The following P3H2 variants were observed in gnomAD, a reference collection of about 807,000 sequenced individuals.
P3H2 encodes the protein prolyl 3-hydroxylase 2, also known as leprecan-like 1.
P3H2 carries 80 observed loss-of-function variants against 87.0 expected under a neutral mutation model. The observed-to-expected ratio is 0.92, with a 90% CI of 0.77 to 1.11. The LOEUF (loss-of-function observed/expected upper bound fraction) is 1.11. P3H2 is among the 50% of genes least tolerant of loss of function. P3H2 has a pLI of 0.00. For synonymous variants in P3H2, 367 were observed against 359.3 expected (o/e 1.02, Z -0.24); for missense variants, 1,001 against 923.9 (o/e 1.08, Z -1.08).
chr3:190,039,578 C>T (rs1302054219), intron 1 of P3H2, among the ~76,000 whole-genome samples: 1 of 152,202 alleles, frequency 6.6e-6, no homozygotes, highest in African/African-American at 2.4e-5. Context: ...CATGGAGTAA[C>T]CACTACACAG....
At chr3:190,115,011 C>T (rs932244913) in intron 1 of P3H2, among the ~76,000 whole-genome samples, 3 of 152,116 alleles carry the variant, frequency 2.0e-5, no homozygotes, top group Non-Finnish European at 2.9e-5. Flanking sequence ...GTTGATAAAA[C>T]AGAGTAAGAG....
At chr3:189,965,254 G>A (rs1722939432) in intron 13 of P3H2, among the ~76,000 whole-genome samples, 1 of 152,164 alleles carries the variant, frequency 6.6e-6, no homozygotes, top group African/African-American at 2.4e-5. Context: ...GTCCTTGGTT[G>A]CTACATAACA....
At chr3:190,056,637 G>A (rs1475280314) in intron 1 of P3H2, among the ~76,000 whole-genome samples, 3 of 152,176 alleles carry the variant, frequency 2.0e-5, no homozygotes, top group African/African-American at 7.2e-5. Context: ...GTCAAACTAC[G>A]ATTAAGCTTC....
intron 1 of P3H2, among the ~76,000 whole-genome samples, chr3:190,024,063 T>C (rs1265958368): frequency 2.0e-5 from 3 of 152,188 alleles, no homozygotes; most frequent in Non-Finnish European, 2.9e-5. Context: ...AATAAGGACA[T>C]GGTGCATGGT....
chr3:190,066,158 T>TATACACACACACACACAC (rs1256956930), intron 1 of P3H2, among the ~76,000 whole-genome samples: 7 of 134,596 alleles, frequency 5.2e-5, no homozygotes, highest in African/African-American at 2.2e-4. Flanking sequence ...TATATATATA[T>TATACACACACACACACAC]ACACACACAC....
In P3H2 at chr3:189,974,692, G is replaced by A. The variant is rs866298716; in HGVS notation, c.1325-7C>T. 1 of 1,614,146 alleles carries A rather than the reference G, an allele frequency of 6.2e-7. No individual in the cohort carries two copies. Among genetic ancestry groups the A allele is most frequent in the Non-Finnish European group, 8.5e-7 (1 of 1,180,024 alleles). The stretch of plus-strand genomic sequence containing the variant: ...TCATAGAGTAGAGGACCACCTACAG[G>A]AACAGAGCACATTGTCTTCCCTGTT... On this transcript the variant is annotated splice_region_variant and splice_polypyrimidine_tract_variant and intron_variant, in intron 8 of 14. Coordinates refer to ENST00000319332, the MANE Select transcript of P3H2 (RefSeq NM_018192.4).
At chr3:190,034,177 T>C (rs1193339418) in intron 1 of P3H2, among the ~76,000 whole-genome samples, 1 of 151,914 alleles carries the variant, frequency 6.6e-6, no homozygotes, top group Admixed American at 6.6e-5. Flanking sequence ...AATAATCCTG[T>C]CCAAAGGACT....
chr3:190,060,665 G>A (rs751864117), intron 1 of P3H2, among the ~76,000 whole-genome samples: 53 of 152,240 alleles, frequency 3.5e-4, no homozygotes, highest in Non-Finnish European at 6.3e-4. Flanking sequence ...CGAATGAAGT[G>A]TATCTCCAAG....
chr3:189,973,284 C>T, intron 10 of P3H2: 1 of 440,288 alleles, frequency 2.3e-6, no homozygotes, highest in Non-Finnish European at 4.1e-6. Context: ...CTCTAACAAC[C>T]CTTCCTGCAG....
At chr3:190,110,522 T>C (rs976921586) in intron 1 of P3H2, among the ~76,000 whole-genome samples, 8 of 152,222 alleles carry the variant, frequency 5.3e-5, no homozygotes, top group South Asian at 2.1e-4. Context: ...CATTTATAAA[T>C]GGCATGTATA....
chr3:190,108,039 T>C (rs1332258460), intron 1 of P3H2, among the ~76,000 whole-genome samples: 2 of 152,154 alleles, frequency 1.3e-5, no homozygotes, highest in African/African-American at 4.8e-5. Context: ...ACTCCTGGAC[T>C]CAAGCAATCT....
intron 1 of P3H2, among the ~76,000 whole-genome samples, chr3:190,022,868 C>T (rs1218284284): frequency 6.6e-6 from 1 of 151,932 alleles, no homozygotes; most frequent in Non-Finnish European, 1.5e-5. Flanking sequence ...ACTCTTTTGC[C>T]CAGGCCCGAG....
At chr3:190,024,434 T>C (rs1006575548) in intron 1 of P3H2, among the ~76,000 whole-genome samples, 8 of 147,984 alleles carry the variant, frequency 5.4e-5, no homozygotes, top group African/African-American at 2.0e-4. Context: ...TCCCAGCTAC[T>C]CATGTGGCTG....
intron 1 of P3H2, among the ~76,000 whole-genome samples, chr3:190,048,771 A>C (rs1725884509): frequency 6.6e-6 from 1 of 152,176 alleles, no homozygotes; most frequent in African/African-American, 2.4e-5. Context: ...TGTTTCTTCC[A>C]GGTCAGTATC....
chr3:189,974,717 T>C, intron 8 of P3H2, 32 bp from the exon 9 acceptor site: 1 of 1,614,000 alleles, frequency 6.2e-7, no homozygotes, highest in South Asian at 1.1e-5. Flanking sequence ...TCTTCCCTGT[T>C]ACCTCTGTCC....
chr3:189,974,608 C>A lies in P3H2; in HGVS notation c.1402G>T (p.Asp468Tyr), dbSNP rs567776562. The A allele has an allele frequency of 6.2e-7, 1 of 1,614,160 alleles. No homozygotes were observed. Among genetic ancestry groups the A allele is most frequent in the East Asian group, 2.2e-5 (1 of 44,882 alleles). Reference protein sequence around the residue: ...QLNGTQRVLLDNVLSEEQCRE... With the variant: ...QLNGTQRVLLYNVLSEEQCRE... ...CACTGTTCTTCCGACAGGACGTTAT[C>A]CAGGAGAACCCGCTGAGTCCCGTTC... The change falls in exon 9 of 15, where the codon GAT becomes TAT. Residue 468 changes from aspartate to tyrosine, a missense_variant. Asp to Tyr is a radical substitution (Grantham distance 160, BLOSUM62 -3). Coordinates refer to ENST00000319332, the MANE Select transcript of P3H2 (RefSeq NM_018192.4).
At chr3:190,075,169 A>C (rs1226002588) in intron 1 of P3H2, among the ~76,000 whole-genome samples, 1 of 152,230 alleles carries the variant, frequency 6.6e-6, no homozygotes, top group Non-Finnish European at 1.5e-5. Context: ...ATATGAAACT[A>C]ATAACTGTCA....
intron 1 of P3H2, among the ~76,000 whole-genome samples, chr3:190,074,575 C>A (rs868284964): frequency 3.3e-5 from 5 of 151,848 alleles, no homozygotes; most frequent in African/African-American, 7.3e-5. Flanking sequence ...AAAAGCATCA[C>A]TGTAAAAAAA....
chr3:189,995,359 A>C lies in P3H2; in HGVS notation c.564T>G (p.Ile188Met). 6.2e-7 allele frequency: 1 copy of C among 1,614,078 alleles called. No individual in the cohort carries two copies. The highest frequency in any genetic ancestry group is 8.5e-7 in the Non-Finnish European group (1 of 1,179,996). Reference sequence around the variant, plus strand: ...CACCAGCTGTCGCCCTGTAATTCTCAATGTTCTGCTGCATTTCCATGTGCT... The same window carrying C: ...CACCAGCTGTCGCCCTGTAATTCTCCATGTTCTGCTGCATTTCCATGTGCT... ...NPEHMEMQQNIENYRATAGVE... is the reference protein window; with the variant it reads ...NPEHMEMQQNMENYRATAGVE... The change falls in exon 2 of 15, where the codon ATT becomes ATG. Residue 188 changes from isoleucine to methionine, a missense_variant. Coordinates refer to ENST00000319332, the MANE Select transcript of P3H2 (RefSeq NM_018192.4).
Sources: gnomAD v4.1 joint callset for allele counts (sites outside exome capture counted in the v4.1 genomes callset) on GRCh38, gnomAD v4.1.1 for gene constraint, MANE v1.5 for transcripts, NCBI Gene and HGNC (gene_info 2026-07-23, HGNC 2026-07-21) for gene names.